The following PTPRM variants were observed in gnomAD, a reference collection of about 807,000 sequenced individuals.
The protein encoded by PTPRM is receptor-type tyrosine-protein phosphatase mu.
A neutral mutation model predicts 186.7 loss-of-function variants in PTPRM; 47 were observed. The ratio of observed to expected loss-of-function variants is 0.25; its 90% CI spans 0.20 to 0.32. PTPRM has a LOEUF of 0.32. Among genes scored for constraint, PTPRM ranks in the 10% least tolerant of loss-of-function variants. The probability of loss-of-function intolerance (pLI) is 1.00; values close to 1 mark genes in which losing one functional copy is unlikely to be tolerated. For missense variants in PTPRM, 1,494 were observed against 1,865.0 expected (o/e 0.80, Z 3.66); for synonymous variants, 668 against 674.9 (o/e 0.99, Z 0.16).
chr18:8,308,005 G>T (rs1311764266), intron 20 of PTPRM, among the ~76,000 whole-genome samples: 1 of 152,096 alleles, frequency 6.6e-6, no homozygotes, highest in Non-Finnish European at 1.5e-5. Context: ...TTATTACAAG[G>T]GAGGGATGGA....
chr18:8,358,918 T>C (rs566585068), intron 23 of PTPRM, among the ~76,000 whole-genome samples: 3 of 152,300 alleles, frequency 2.0e-5, no homozygotes, highest in African/African-American at 7.2e-5. Context: ...TTCTTCTACA[T>C]TGGAAGAAGA....
chr18:8,190,883 T>A (rs1032525509), intron 14 of PTPRM, among the ~76,000 whole-genome samples: 1 of 152,092 alleles, frequency 6.6e-6, no homozygotes, highest in Non-Finnish European at 1.5e-5. Context: ...TTCCTCTTAA[T>A]AAAAAAAATT....
intron 7 of PTPRM, among the ~76,000 whole-genome samples, chr18:7,996,812 A>T (rs1010779505): frequency 1.2e-4 from 18 of 151,868 alleles, no homozygotes; most frequent in African/African-American, 3.9e-4. Context: ...AAAAAAAAAA[A>T]ATACCTAGGG....
intron 3 of PTPRM, among the ~76,000 whole-genome samples, chr18:7,904,725 A>G (rs952206852): frequency 2.0e-5 from 3 of 152,112 alleles, no homozygotes; most frequent in African/African-American, 4.8e-5. Context: ...TGTAAATATG[A>G]TGTGCACAGA....
chr18:7,859,502 C>T (rs9965107), intron 2 of PTPRM, among the ~76,000 whole-genome samples: 1,968 of 152,316 alleles, frequency 0.013, 31 homozygotes, highest in African/African-American at 0.045. Context: ...TACTGCCTGG[C>T]ACCTGGGGCT....
At chr18:8,333,903 A>C (rs538892735) in intron 22 of PTPRM, among the ~76,000 whole-genome samples, 1 of 152,266 alleles carries the variant, frequency 6.6e-6, no homozygotes, top group East Asian at 1.9e-4. Flanking sequence ...GCTAGAAACA[A>C]ACATTCTGGT....
intron 1 of PTPRM, among the ~76,000 whole-genome samples, chr18:7,688,172 C>CTAGTG (rs2039651143): frequency 6.6e-6 from 1 of 152,092 alleles, no homozygotes; most frequent in African/African-American, 2.4e-5. Context: ...CACGTATCTG[C>CTAGTG]TAGTGTAAGC....
intron 17 of PTPRM, among the ~76,000 whole-genome samples, chr18:8,252,091 C>T (rs1289690338): frequency 6.6e-6 from 1 of 152,106 alleles, no homozygotes; most frequent in African/African-American, 2.4e-5. Flanking sequence ...TCTAGTAGGC[C>T]TCCATTAAAA....
intron 8 of PTPRM, among the ~76,000 whole-genome samples, chr18:8,076,236 T>C (rs575371387): frequency 5.6e-4 from 86 of 152,258 alleles, no homozygotes; most frequent in African/African-American, 2.0e-3. Flanking sequence ...CTCTGTCTAA[T>C]TGATTAAAAC....
intron 20 of PTPRM, among the ~76,000 whole-genome samples, chr18:8,309,383 G>A (rs987103509): frequency 6.6e-6 from 1 of 151,740 alleles, no homozygotes; most frequent in Non-Finnish European, 1.5e-5. Flanking sequence ...TGTAAGCTGG[G>A]CTTTTTTTCA....
chr18:8,090,090 G>A (rs917340722), intron 11 of PTPRM, among the ~76,000 whole-genome samples: 1 of 152,118 alleles, frequency 6.6e-6, no homozygotes, highest in Non-Finnish European at 1.5e-5. Context: ...CGAGTGATGT[G>A]CTTGACACTC....
At chr18:8,237,405 A>G (rs889959149) in intron 14 of PTPRM, among the ~76,000 whole-genome samples, 26 of 146,304 alleles carry the variant, frequency 1.8e-4, no homozygotes, top group Non-Finnish European at 6.0e-5. Context: ...TGTAGAAGGC[A>G]GATCTGCTGG....
intron 1 of PTPRM, among the ~76,000 whole-genome samples, chr18:7,748,104 C>CT (rs2041039999): frequency 6.6e-6 from 1 of 152,164 alleles, no homozygotes; most frequent in South Asian, 2.1e-4. Context: ...CCTAGTCCCT[C>CT]TTGCAGTAGG....
chr18:8,342,137 C>T (rs2095478555), intron 22 of PTPRM, among the ~76,000 whole-genome samples: 1 of 152,200 alleles, frequency 6.6e-6, no homozygotes, highest in Non-Finnish European at 1.5e-5. Flanking sequence ...AGAAACATTA[C>T]ACAAGAACCG....
intron 2 of PTPRM, among the ~76,000 whole-genome samples, chr18:7,817,884 A>AG (rs1330470110): frequency 6.6e-6 from 1 of 152,176 alleles, no homozygotes; most frequent in Non-Finnish European, 1.5e-5. Flanking sequence ...GGAAGCTGGA[A>AG]GGGAATGAGG....
chr18:7,774,323 T>A, intron 2 of PTPRM, 52 bp downstream of exon 2: 1 of 1,590,260 alleles, frequency 6.3e-7, no homozygotes, highest in Non-Finnish European at 8.6e-7. Flanking sequence ...AGAGTCTCAA[T>A]CATACTATGT....
chr18:8,038,187 G>C (rs1011887158), intron 7 of PTPRM, among the ~76,000 whole-genome samples: 1 of 151,866 alleles, frequency 6.6e-6, no homozygotes, highest in African/African-American at 2.4e-5. Flanking sequence ...TCTAACCCTG[G>C]TATCTTCAGA....
In PTPRM at chr18:8,076,308, A is replaced by T; in HGVS notation, c.1442-147A>T. The stretch of plus-strand genomic sequence containing the variant: ...CAAGACAGTGTAGCTAAAATTGTTT[A>T]AGATTCCAGATTTTTAAAGAAAAAT... On this transcript the variant is annotated intron_variant, in intron 8 of 32. Transcript: ENST00000580170. 4 of 591,834 alleles carry T rather than the reference A, an allele frequency of 6.8e-6. No homozygotes were observed. The South Asian group carries it at 6.9e-5, about 10-fold the overall frequency. The allele number at this position is 591,834 out of a possible 1,614,324, so 36.7% of individuals were successfully genotyped here. A position where few individuals can be genotyped will look rare whatever the true frequency, so the allele number is the denominator to read the frequency against.
intron 2 of PTPRM, among the ~76,000 whole-genome samples, chr18:7,800,663 A>C (rs2145344749): frequency 6.6e-6 from 1 of 152,356 alleles, no homozygotes; most frequent in African/African-American, 2.4e-5. Context: ...TTGGTCATAT[A>C]GTCATGTGTC....
Sources: gnomAD v4.1 joint callset for allele counts (sites outside exome capture counted in the v4.1 genomes callset) on GRCh38, gnomAD v4.1.1 for gene constraint, MANE v1.5 for transcripts, NCBI Gene and HGNC (gene_info 2026-07-23, HGNC 2026-07-21) for gene names.